DNAH5: variants seen among roughly 807,000 people sequenced by gnomAD.
The protein encoded by DNAH5 is axonemal beta dynein heavy chain 5.
DNAH5 carries 372 observed loss-of-function variants against 518.2 expected under a neutral mutation model. The ratio of observed to expected loss-of-function variants is 0.72; its 90% CI spans 0.66 to 0.78. The LOEUF (loss-of-function observed/expected upper bound fraction) is 0.78, where lower values mean the gene tolerates loss of function less well. Ranked by LOEUF, DNAH5 falls within the 30% of genes least tolerant of loss-of-function variation. DNAH5 has a pLI of 0.00. For missense variants in DNAH5, 5,523 were observed against 5,687.0 expected, an observed-to-expected ratio of 0.97 and a Z score of 0.93; for synonymous variants, 2,039 against 2,025.9, an observed-to-expected ratio of 1.01 and a Z score of -0.17.
Position 13,900,290 on chromosome 5 carries a change from G to A in DNAH5, c.2175C>T (p.Ala725=). ...GTGGAGAGACTTCCAGACCCATCTG[G>A]GCCATGCACTCTGTTTCTCTAAATA... ...LILFRETECM[A]QMGLEVSPLA... The change falls in exon 15 of 79, where the codon GCC becomes GCT. Residue 725 remains alanine (A), a synonymous_variant. Coordinates refer to ENST00000265104, the MANE Select transcript of DNAH5 (RefSeq NM_001369.3). 6.2e-7 allele frequency: 1 copy of A among 1,614,102 alleles called. No individual in the cohort carries two copies. Among genetic ancestry groups the A allele is most frequent in the Middle Eastern group, 1.6e-4 (1 of 6,062 alleles).
At chr5:13,699,387 C>T (rs1037305962) in intron 78 of DNAH5, among the ~76,000 whole-genome samples, 1 of 152,086 alleles carries the variant, frequency 6.6e-6, no homozygotes, top group Non-Finnish European at 1.5e-5. Flanking sequence ...TGGCTGGTAA[C>T]TATTAGACAT....
chr5:13,740,119 C>T (rs1230907342), intron 65 of DNAH5, among the ~76,000 whole-genome samples: 1 of 152,074 alleles, frequency 6.6e-6, no homozygotes, highest in Non-Finnish European at 1.5e-5. Context: ...ACTTTCTTCT[C>T]CTCAAATTCA....
intron 47 of DNAH5, among the ~76,000 whole-genome samples, chr5:13,794,312 T>C (rs1034554193): frequency 6.6e-6 from 1 of 152,268 alleles, no homozygotes; most frequent in African/African-American, 2.4e-5. Context: ...GGGATGAGAC[T>C]CGTCTGTCCA....
intron 47 of DNAH5, among the ~76,000 whole-genome samples, chr5:13,794,916 A>G (rs536429773): frequency 4.2e-4 from 64 of 152,318 alleles, no homozygotes; most frequent in Non-Finnish European, 8.4e-4. Flanking sequence ...GCAGTGAGCC[A>G]AGATAACGCC....
Position 13,717,533 on chromosome 5 carries a change from GT to G in DNAH5, c.12500-14del. The G allele has an allele frequency of 1.2e-6, 2 of 1,610,728 alleles. No individual in the cohort carries two copies. Among genetic ancestry groups the G allele is most frequent in the Non-Finnish European group, 1.7e-6 (2 of 1,176,990 alleles). ...TCTTGGCTGACACCTGTTGTGGTCA[GT>G]TGGGTGAAAAATGTATCATCTCTCA... On this transcript the variant is annotated splice_polypyrimidine_tract_variant and intron_variant, in intron 72 of 78. Transcript: ENST00000265104.
In DNAH5 at chr5:13,920,783, G is replaced by A. The variant is rs532705150; in HGVS notation, c.661-166C>T. ...CGTGCCTTTGTCCACGCTGCCCCCA[G>A]ACTGATGGGACCTTCCAACACTTCC... On this transcript the variant is annotated intron_variant, in intron 5 of 78. Transcript: ENST00000265104. 4.6e-5 allele frequency among the ~76,000 whole-genome samples: 7 copies of A among 152,160 alleles called. No individual in the cohort carries two copies. In the South Asian group the frequency reaches 1.5e-3, roughly 32 times the overall value.
chr5:13,794,085 T>A (rs764864801), intron 47 of DNAH5, 27 bp from the exon 48 acceptor site: 2 of 1,613,862 alleles, frequency 1.2e-6, no homozygotes, highest in Non-Finnish European at 8.5e-7. Flanking sequence ...AACTGAAACA[T>A]CTGTGAAAAT....
rs773280167 is a variant in DNAH5 at position 13,793,941 on chromosome 5, C to A, written c.8005G>T (p.Asp2669Tyr). 11 of 1,613,784 alleles carry A rather than the reference C, an allele frequency of 6.8e-6. No homozygotes were observed. Among genetic ancestry groups the A allele is most frequent in the Middle Eastern group, 1.6e-4 (1 of 6,084 alleles). ...VNMPIINEWG[D>Y]QVTNEIVRQL... ...GCACAATAGAATGATGATACCTGAT[C>A]TCCCCACTCATTGATTATTGGCATA... Residue 2669 changes from aspartate to tyrosine, a missense_variant, in exon 48 of 79, where the codon GAT becomes TAT. Asp to Tyr is a radical substitution (Grantham distance 160). Around this residue, in one of 3 missense-constraint regions of DNAH5, gnomAD observed 5,121 missense variants for 5,223.3 expected, o/e 0.98. Coordinates refer to ENST00000265104, the MANE Select transcript of DNAH5 (RefSeq NM_001369.3).
At chr5:13,950,032 C>T (rs1275864190) in intron 1 of DNAH5, among the ~76,000 whole-genome samples, 1 of 152,170 alleles carries the variant, frequency 6.6e-6, no homozygotes, top group African/African-American at 2.4e-5. Flanking sequence ...TGAAGGATCT[C>T]AGATCCCAAG....
rs114041029 is a variant in DNAH5 at position 13,816,660 on chromosome 5, G to A, written c.6988+888C>T. 3.0e-3 allele frequency among the ~76,000 whole-genome samples: 457 copies of A among 151,822 alleles called. 4 individuals are homozygous for A. The highest frequency in any genetic ancestry group is 0.011 in the African/African-American group (441 of 41,392). ...GTGGAACAAATCAGGAATAAAATTC[G>A]ATTTATTTCCAGTAGAACAAAAACA... On this transcript the variant is annotated intron_variant, in intron 42 of 78. Coordinates refer to ENST00000265104, the MANE Select transcript of DNAH5 (RefSeq NM_001369.3).
chr5:13,926,020 T>A (rs1213705137), intron 3 of DNAH5, among the ~76,000 whole-genome samples: 3 of 152,176 alleles, frequency 2.0e-5, no homozygotes, highest in African/African-American at 7.2e-5. Flanking sequence ...ATGACTGGGA[T>A]ATGACACCTG....
chr5:13,716,732 T>C lies in DNAH5; in HGVS notation c.12706-42A>G, dbSNP rs1042885863. 5.0e-6 allele frequency: 7 copies of C among 1,387,680 alleles called. No homozygotes were observed. In the South Asian group the frequency reaches 5.9e-5, roughly 12 times the overall value. 86.0% of individuals were successfully genotyped at this position (1,387,680 alleles called of 1,614,324 possible). A position where few individuals can be genotyped will look rare whatever the true frequency, so the allele number is the denominator to read the frequency against. Reference sequence around the variant, plus strand: ...AATAATTATGTAGAACTGACTACCGTTGCATTATTATTTCCCTGCCAAGTC... The same window carrying C: ...AATAATTATGTAGAACTGACTACCGCTGCATTATTATTTCCCTGCCAAGTC... On this transcript the variant is annotated intron_variant, in intron 73 of 78. Coordinates refer to ENST00000265104, the MANE Select transcript of DNAH5 (RefSeq NM_001369.3).
At chr5:13,716,171 C>G (rs1744256874) in intron 74 of DNAH5, among the ~76,000 whole-genome samples, 1 of 152,146 alleles carries the variant, frequency 6.6e-6, no homozygotes, top group Non-Finnish European at 1.5e-5. Flanking sequence ...ACAGAGAACT[C>G]CAGGTGATTT....
In DNAH5 at chr5:13,990,356, T is replaced by C. The variant is rs192905793; in HGVS notation, c.12+21292A>G. Among the ~76,000 whole-genome samples, 48 of 150,420 alleles carry C rather than the reference T, an allele frequency of 3.2e-4. No individual in the cohort carries two copies. In the East Asian group the frequency reaches 7.7e-3, roughly 24 times the overall value. On this transcript the variant is annotated intron_variant, in intron 1 of 78. Transcript: ENST00000681290. ...TCACGAGGTCAGGAGATAGAGACCA[T>C]CCTGGCTAACATGGTGAAACCCTGT...
At chr5:13,824,087 C>T (rs989303813) in intron 39 of DNAH5, 112 bp downstream of exon 39, 1 of 1,142,102 alleles carries the variant, frequency 8.8e-7, no homozygotes, top group South Asian at 1.3e-5. Context: ...CTTTATCTGA[C>T]AATTAGGCAT....
chr5:13,922,152 G>A lies in DNAH5; in HGVS notation c.615C>T (p.Gly205=). ...IRQEFLSSLE[G]FVNVLSGAQE... The stretch of plus-strand genomic sequence containing the variant: ...GTGCACCCGACAGGACGTTCACAAA[G>A]CCTTCCAGGGAGCTCAAGAACTCCT... Residue 205 remains glycine (G), a synonymous_variant, in exon 5 of 79, where the codon GGC becomes GGT. Coordinates refer to ENST00000265104, the MANE Select transcript of DNAH5 (RefSeq NM_001369.3). 6.2e-7 allele frequency: 1 copy of A among 1,614,034 alleles called. No homozygotes were observed. Among genetic ancestry groups the A allele is most frequent in the Non-Finnish European group, 8.5e-7 (1 of 1,179,992 alleles).
chr5:13,736,021 A>G (rs1038749070), intron 66 of DNAH5, 89 bp from the exon 67 acceptor site: 36 of 1,070,980 alleles, frequency 3.4e-5, no homozygotes, highest in Non-Finnish European at 4.8e-5. Context: ...CTAAATGAAA[A>G]CAACAACTTT....
At chr5:13,901,938 T>C (rs1774683295) in intron 13 of DNAH5, 115 bp downstream of exon 13, 2 of 778,840 alleles carry the variant, frequency 2.6e-6, no homozygotes, top group Non-Finnish European at 4.1e-6. Flanking sequence ...TGACCCAAAT[T>C]GCCAAGAGAG....
At chr5:13,777,073 T>G in intron 54 of DNAH5, 129 bp downstream of exon 54, 1 of 894,204 alleles carries the variant, frequency 1.1e-6, no homozygotes, top group Non-Finnish European at 1.7e-6. Flanking sequence ...AACCCATCCT[T>G]CATACTGATC....
Sources: allele counts gnomAD v4.1 joint callset (sites outside exome capture counted in the v4.1 genomes callset), GRCh38; gene constraint gnomAD v4.1.1; regional missense constraint gnomAD v4.1.1; transcripts MANE v1.5; gene names NCBI Gene and HGNC (gene_info 2026-07-23, HGNC 2026-07-21).